The following SPIDR variants were observed in gnomAD, a reference collection of about 807,000 sequenced individuals.
SPIDR encodes the protein scaffold protein involved in DNA repair, also known as DNA repair-scaffolding protein.
A neutral mutation model predicts 104.6 loss-of-function variants in SPIDR; 93 were observed. The ratio of observed to expected loss-of-function variants is 0.89; its 90% CI spans 0.75 to 1.06. The LOEUF (loss-of-function observed/expected upper bound fraction) is 1.06. Among genes scored for constraint, SPIDR ranks in the 50% least tolerant of loss-of-function variants. The pLI, the probability that SPIDR is intolerant of heterozygous loss-of-function variation, is 0.00. For missense variants in SPIDR, 1,154 were observed against 1,111.2 expected (o/e 1.04, Z -0.55); for synonymous variants, 431 against 416.9 (o/e 1.03, Z -0.41).
intron 5 of SPIDR, among the ~76,000 whole-genome samples, chr8:47,324,363 G>A (rs1586975285): frequency 7.1e-6 from 1 of 140,562 alleles, no homozygotes; most frequent in East Asian, 2.2e-4. Context: ...TGTGTCTGTT[G>A]TCATTCTCTA....
chr8:47,464,280 T>G (rs556747774), intron 8 of SPIDR, among the ~76,000 whole-genome samples: 83 of 152,260 alleles, frequency 5.5e-4, no homozygotes, highest in South Asian at 1.0e-3. Flanking sequence ...TCGACTACAA[T>G]AGTATTTTTT....
In SPIDR at chr8:47,418,496, C is replaced by T. The variant is rs150292425; in HGVS notation, c.877+10535C>T. 2.8e-3 allele frequency among the ~76,000 whole-genome samples: 433 copies of T among 152,250 alleles called. 10 individuals are homozygous for T. The South Asian group carries it at 0.068, about 24-fold the overall frequency. On this transcript the variant is annotated intron_variant, in intron 7 of 19. Transcript: ENST00000297423. ...TATCCTGAGACTTTGCTGAAGTTGC[C>T]TGTCAGCTTAAGGAGATTTTGGGCT...
chr8:47,309,963 C>T lies in SPIDR; in HGVS notation c.525+15933C>T, dbSNP rs374420317. 2.2e-4 allele frequency among the ~76,000 whole-genome samples: 33 copies of T among 151,500 alleles called. 1 individual carries two copies. Among genetic ancestry groups the T allele is most frequent in the African/African-American group, 6.1e-4 (25 of 41,206 alleles). On this transcript the variant is annotated intron_variant, in intron 5 of 19. Coordinates refer to ENST00000297423, the MANE Select transcript of SPIDR (RefSeq NM_001080394.4). The stretch of plus-strand genomic sequence containing the variant: ...CTGAGGCAGGAGAATGGCGTGAACC[C>T]GGGAGGCAGAGCTTGCTGTGAGCCG...
At chr8:47,551,632 T>G (rs1324606969) in intron 8 of SPIDR, among the ~76,000 whole-genome samples, 1 of 152,214 alleles carries the variant, frequency 6.6e-6, no homozygotes, top group Non-Finnish European at 1.5e-5. Flanking sequence ...TTTATTATTT[T>G]TTATTACGTC....
At chr8:47,442,583 C>A (rs2069651979) in intron 8 of SPIDR, among the ~76,000 whole-genome samples, 1 of 152,172 alleles carries the variant, frequency 6.6e-6, no homozygotes, top group Non-Finnish European at 1.5e-5. Context: ...TTACCTTGAA[C>A]CTGTCTTCCC....
At chr8:47,672,693 A>G (rs909177496) in intron 10 of SPIDR, among the ~76,000 whole-genome samples, 1 of 152,100 alleles carries the variant, frequency 6.6e-6, no homozygotes, top group Non-Finnish European at 1.5e-5. Context: ...TATATTTTCT[A>G]TTCATTAATT....
intron 7 of SPIDR, among the ~76,000 whole-genome samples, chr8:47,415,722 T>C (rs1309746856): frequency 6.6e-6 from 1 of 152,202 alleles, no homozygotes; most frequent in Non-Finnish European, 1.5e-5. Context: ...CTTCCCAGCC[T>C]GCAGAACTGT....
At chr8:47,705,534 C>T (rs995539827) in intron 14 of SPIDR, among the ~76,000 whole-genome samples, 2 of 152,178 alleles carry the variant, frequency 1.3e-5, no homozygotes, top group Non-Finnish European at 2.9e-5. Flanking sequence ...GTAGTTAAGC[C>T]AGTGGCCTGC....
In SPIDR at chr8:47,471,321, A is replaced by G. The variant is rs1417658412; in HGVS notation, c.1097+30779A>G. On this transcript the variant is annotated intron_variant, in intron 8 of 19. Transcript: ENST00000297423. ...ATATATAGGGAATTCCTATAATTCA[A>G]TGTCAAAAAAAAAAAAAAAAACAGC... Among the ~76,000 whole-genome samples, 14 of 121,212 alleles carry G rather than the reference A, an allele frequency of 1.2e-4. No homozygotes were observed. The East Asian group carries it at 1.3e-3, about 11-fold the overall frequency. 79.5% of individuals were successfully genotyped at this position (121,212 alleles called of 152,430 possible).
chr8:47,570,642 A>C (rs1196853127), intron 8 of SPIDR, among the ~76,000 whole-genome samples: 1 of 152,232 alleles, frequency 6.6e-6, no homozygotes, highest in Non-Finnish European at 1.5e-5. Flanking sequence ...GGAGGGGAGT[A>C]TATGCAGATC....
At chr8:47,593,594 T>C (rs549946590) in intron 8 of SPIDR, among the ~76,000 whole-genome samples, 1 of 152,322 alleles carries the variant, frequency 6.6e-6, no homozygotes, top group South Asian at 2.1e-4. Context: ...ATTTGGAGTA[T>C]TATGTTTTGA....
chr8:47,599,258 A>G, intron 10 of SPIDR, 62 bp downstream of exon 10: 1 of 1,583,124 alleles, frequency 6.3e-7, no homozygotes, highest in Non-Finnish European at 8.6e-7. Flanking sequence ...AGTGCTCTAG[A>G]AAGTGGAGCC....
chr8:47,633,253 T>A (rs1310035790), intron 10 of SPIDR, among the ~76,000 whole-genome samples: 1 of 152,210 alleles, frequency 6.6e-6, no homozygotes, highest in Non-Finnish European at 1.5e-5. Context: ...ATTTGCATTT[T>A]TTTATGTCTA....
intron 5 of SPIDR, among the ~76,000 whole-genome samples, chr8:47,308,050 C>A (rs2154252436): frequency 6.6e-6 from 1 of 152,082 alleles, no homozygotes; most frequent in Admixed American, 6.6e-5. Flanking sequence ...CCCTCTTCCC[C>A]AGCATTTGCT....
intron 9 of SPIDR, among the ~76,000 whole-genome samples, chr8:47,596,566 G>A (rs1290318656): frequency 1.3e-5 from 2 of 152,180 alleles, no homozygotes; most frequent in Non-Finnish European, 2.9e-5. Context: ...AGTTGCTCTC[G>A]ATGAGTCAGT....
chr8:47,659,415 A>G (rs2073630093), intron 10 of SPIDR, among the ~76,000 whole-genome samples: 1 of 152,284 alleles, frequency 6.6e-6, no homozygotes, highest in Admixed American at 6.5e-5. Flanking sequence ...AATGAATAAA[A>G]AACATTTCTG....
intron 6 of SPIDR, among the ~76,000 whole-genome samples, chr8:47,401,931 A>G (rs1287588689): frequency 7.2e-5 from 11 of 152,342 alleles, no homozygotes; most frequent in African/African-American, 2.4e-4. Flanking sequence ...TCAATGAGAC[A>G]GAAAGTTAAC....
At chr8:47,410,907 G>C (rs892839714) in intron 7 of SPIDR, among the ~76,000 whole-genome samples, 3 of 152,140 alleles carry the variant, frequency 2.0e-5, no homozygotes, top group Non-Finnish European at 2.9e-5. Context: ...AGAACACGTG[G>C]TGTTCGGTTT....
chr8:47,440,237 G>A (rs1233002888), intron 7 of SPIDR, 86 bp from the exon 8 acceptor site: 3 of 1,214,808 alleles, frequency 2.5e-6, no homozygotes, highest in African/African-American at 3.0e-5. Context: ...TCTGCATGTG[G>A]ATCTTTTTTT....
Sources: gnomAD v4.1 joint callset for allele counts (sites outside exome capture counted in the v4.1 genomes callset) on GRCh38, gnomAD v4.1.1 for gene constraint, MANE v1.5 for transcripts, NCBI Gene and HGNC (gene_info 2026-07-23, HGNC 2026-07-21) for gene names.